The following CNTNAP2 variants were observed in gnomAD, a reference collection of about 807,000 sequenced individuals.
CNTNAP2 encodes contactin associated protein 2.
Under a neutral mutation model 155.2 loss-of-function variants are expected in CNTNAP2, and 98 were observed. The ratio of observed to expected loss-of-function variants is 0.63; its 90% confidence interval spans 0.54 to 0.75. CNTNAP2 has a LOEUF of 0.75. Among genes scored for constraint, CNTNAP2 ranks in the 30% least tolerant of loss-of-function variants. CNTNAP2 has a pLI of 0.00. For missense variants in CNTNAP2, 1,727 were observed against 1,688.1 expected (o/e 1.02, Z -0.40); for synonymous variants, 651 against 631.2 (o/e 1.03, Z -0.47).
intron 9 of CNTNAP2, among the ~76,000 whole-genome samples, chr7:147,378,298 T>C (rs1033031320): frequency 6.6e-6 from 1 of 151,992 alleles, no homozygotes; most frequent in African/African-American, 2.4e-5. Flanking sequence ...ATTTAACTTA[T>C]ATTGGTATAT....
intron 1 of CNTNAP2, among the ~76,000 whole-genome samples, chr7:146,491,087 GC>G (rs1317793572): frequency 3.3e-5 from 5 of 151,444 alleles, no homozygotes; most frequent in African/African-American, 1.2e-4. Context: ...TTTTTGCAAA[GC>G]CCCCCCAAAA....
chr7:146,922,103 T>G (rs1796512245), intron 3 of CNTNAP2, among the ~76,000 whole-genome samples: 1 of 152,138 alleles, frequency 6.6e-6, no homozygotes, highest in African/African-American at 2.4e-5. Flanking sequence ...AGTAGTCTGT[T>G]TATATGACAT....
At chr7:147,626,369 G>A (rs1794976519) in intron 12 of CNTNAP2, among the ~76,000 whole-genome samples, 2 of 151,806 alleles carry the variant, frequency 1.3e-5, no homozygotes, top group Admixed American at 6.6e-5. Context: ...TCTCACTAAT[G>A]GCTATTCCCC....
chr7:146,151,668 A>ATATATATGTATATATATATGTG (rs1798047972), intron 1 of CNTNAP2, among the ~76,000 whole-genome samples: 1 of 47,652 alleles, frequency 2.1e-5, no homozygotes, highest in African/African-American at 7.8e-5. Context: ...ATATATATAT[A>ATATATATGTATATATATATGTG]TATATATATA....
intron 11 of CNTNAP2, among the ~76,000 whole-genome samples, chr7:147,538,663 C>A (rs1654776961): frequency 6.6e-6 from 1 of 151,996 alleles, no homozygotes; most frequent in South Asian, 2.1e-4. Context: ...AAAAAAATCC[C>A]TCCTATCTTT....
intron 1 of CNTNAP2, among the ~76,000 whole-genome samples, chr7:146,365,222 A>C (rs972467287): frequency 2.6e-5 from 4 of 152,148 alleles, no homozygotes; most frequent in African/African-American, 9.7e-5. Context: ...CCAGAGTTCA[A>C]ATGGCTTAAT....
At chr7:146,930,774 G>C (rs1033148047) in intron 3 of CNTNAP2, among the ~76,000 whole-genome samples, 1 of 152,022 alleles carries the variant, frequency 6.6e-6, no homozygotes. Context: ...AAAAAAGGCA[G>C]GGTTTGCAAT....
chr7:147,252,638 TGGG>T (rs1212007299), intron 8 of CNTNAP2, among the ~76,000 whole-genome samples: 1 of 152,162 alleles, frequency 6.6e-6, no homozygotes, highest in African/African-American at 2.4e-5. Flanking sequence ...AATTATGCAT[TGGG>T]GGGAAGGTGA....
chr7:146,485,238 C>A (rs1314499355), intron 1 of CNTNAP2, among the ~76,000 whole-genome samples: 1 of 151,444 alleles, frequency 6.6e-6, no homozygotes, highest in Non-Finnish European at 1.5e-5. Flanking sequence ...AAAAAAATCA[C>A]CATCATCAAG....
chr7:146,384,915 C>T (rs961391054), intron 1 of CNTNAP2, among the ~76,000 whole-genome samples: 4 of 152,138 alleles, frequency 2.6e-5, no homozygotes, highest in African/African-American at 4.8e-5. Flanking sequence ...TAATTGAGGG[C>T]GGTAAATGGG....
chr7:148,118,506 G>A (rs1244441191), intron 16 of CNTNAP2, among the ~76,000 whole-genome samples: 2 of 152,160 alleles, frequency 1.3e-5, no homozygotes, highest in African/African-American at 4.8e-5. Context: ...AGATTCTCAA[G>A]CAATTAGTCA....
At chr7:147,383,818 A>C (rs539745413) in intron 9 of CNTNAP2, among the ~76,000 whole-genome samples, 2 of 152,278 alleles carry the variant, frequency 1.3e-5, no homozygotes, top group East Asian at 3.9e-4. Flanking sequence ...ATTGATTCAT[A>C]AAATGAATAT....
intron 15 of CNTNAP2, among the ~76,000 whole-genome samples, chr7:148,085,866 C>T (rs1803717659): frequency 6.6e-6 from 1 of 152,118 alleles, no homozygotes; most frequent in Non-Finnish European, 1.5e-5. Flanking sequence ...GTGTGAGCCA[C>T]CAAGCCTGGC....
intron 1 of CNTNAP2, among the ~76,000 whole-genome samples, chr7:146,154,063 C>T (rs552283844): frequency 6.6e-5 from 10 of 151,794 alleles, no homozygotes; most frequent in Non-Finnish European, 1.3e-4. Context: ...CTCCTTGTTT[C>T]AATTTATGTT....
chr7:147,434,117 A>AAAT (rs1454623628), intron 10 of CNTNAP2, among the ~76,000 whole-genome samples: 2 of 152,174 alleles, frequency 1.3e-5, no homozygotes, highest in African/African-American at 4.8e-5. Flanking sequence ...GAAAGTGAAG[A>AAAT]AATATGTTCT....
intron 21 of CNTNAP2, among the ~76,000 whole-genome samples, chr7:148,341,746 C>G (rs1452438588): frequency 6.6e-6 from 1 of 152,162 alleles, no homozygotes; most frequent in Non-Finnish European, 1.5e-5. Context: ...CTTTGATGTT[C>G]TCTCACTAGT....
chr7:146,876,028 C>T (rs1002170343), intron 3 of CNTNAP2, among the ~76,000 whole-genome samples: 12 of 150,648 alleles, frequency 8.0e-5, no homozygotes, highest in South Asian at 2.1e-4. Context: ...CAGTACAGCT[C>T]ACTTTGACTT....
At chr7:147,323,834 G>T (rs972425742) in intron 9 of CNTNAP2, among the ~76,000 whole-genome samples, 1 of 152,030 alleles carries the variant, frequency 6.6e-6, no homozygotes, top group East Asian at 1.9e-4. Flanking sequence ...TTATATCTCT[G>T]TTATTCCCAA....
In CNTNAP2 at chr7:146,543,543, A is replaced by T. The variant is rs1403417762; in HGVS notation, c.98-230728A>T. ...TAAAGATGACTGACATGAGATCCAAAAATGTCAACCTAGAATGAAAGGGCT... is the reference window on the plus strand; with the variant it reads ...TAAAGATGACTGACATGAGATCCAATAATGTCAACCTAGAATGAAAGGGCT... On this transcript the variant is annotated intron_variant, in intron 1 of 23. Transcript: ENST00000361727. Among the ~76,000 whole-genome samples, 11 of 152,038 alleles carry T rather than the reference A, an allele frequency of 7.2e-5. No homozygotes were observed. In the East Asian group the frequency reaches 2.1e-3, roughly 30 times the overall value.
Sources: allele counts gnomAD v4.1 joint callset (sites outside exome capture counted in the v4.1 genomes callset), GRCh38; gene constraint gnomAD v4.1.1; transcripts MANE v1.5; gene names NCBI Gene and HGNC (gene_info 2026-07-23, HGNC 2026-07-21).